The following PLCXD3 variants were observed in gnomAD, a reference collection of about 807,000 sequenced individuals.
PLCXD3 encodes the protein PI-PLC X domain-containing protein 3.
PLCXD3 carries 19 observed loss-of-function variants against 25.5 expected under a neutral mutation model. That is an observed-to-expected ratio of 0.75 (90% CI 0.52 to 1.09). The LOEUF is 1.09. Ranked by LOEUF, PLCXD3 falls within the 50% of genes least tolerant of loss-of-function variation. PLCXD3 has a pLI of 0.00. For synonymous variants in PLCXD3, 174 were observed against 137.6 expected (o/e 1.26, Z -1.85); for missense variants, 411 against 388.1 (o/e 1.06, Z -0.50).
intron 2 of PLCXD3, among the ~76,000 whole-genome samples, chr5:41,319,636 A>G (rs572457014): frequency 6.6e-6 from 1 of 152,332 alleles, no homozygotes; most frequent in South Asian, 2.1e-4. Flanking sequence ...GTTTATAGCT[A>G]CAAGTGCCTG....
chr5:41,457,155 T>C (rs1011088941), intron 1 of PLCXD3, among the ~76,000 whole-genome samples: 1 of 151,990 alleles, frequency 6.6e-6, no homozygotes, highest in Non-Finnish European at 1.5e-5. Flanking sequence ...CTTGAAATTC[T>C]GTTGGATAAT....
At chr5:41,354,627 A>G (rs1744566631) in intron 2 of PLCXD3, among the ~76,000 whole-genome samples, 1 of 152,116 alleles carries the variant, frequency 6.6e-6, no homozygotes, top group South Asian at 2.1e-4. Flanking sequence ...TGTACTGACT[A>G]TATCATGTAC....
chr5:41,348,710 T>A (rs936900270), intron 2 of PLCXD3, among the ~76,000 whole-genome samples: 1 of 152,184 alleles, frequency 6.6e-6, no homozygotes, highest in African/African-American at 2.4e-5. Context: ...ATATTGAATA[T>A]GTTTGGTGCT....
chr5:41,312,402 C>T lies in PLCXD3; in HGVS notation c.*1215G>A, dbSNP rs911391231. 1 of 152,222 alleles carries T rather than the reference C, an allele frequency of 6.6e-6. No homozygotes were observed. The highest frequency in any genetic ancestry group is 2.4e-5 in the African/African-American group (1 of 41,440). 9.4% of individuals were successfully genotyped at this position (152,222 alleles called of 1,614,324 possible). On this transcript the variant is annotated 3_prime_UTR_variant, in exon 3 of 3. Coordinates refer to ENST00000377801, the MANE Select transcript of PLCXD3 (RefSeq NM_001005473.3). ...TTCAAACACATTGCTCTAACTGCTT[C>T]TACCAGCCTTCCTCTTTCTTTCCTT...
At chr5:41,405,600 C>T (rs558612013) in intron 1 of PLCXD3, among the ~76,000 whole-genome samples, 188 of 152,158 alleles carry the variant, frequency 1.2e-3, no homozygotes, top group African/African-American at 4.4e-3. Context: ...GAACCTATGC[C>T]TTATAATTCC....
intron 1 of PLCXD3, among the ~76,000 whole-genome samples, chr5:41,443,451 G>A (rs1223710560): frequency 2.0e-5 from 3 of 152,000 alleles, no homozygotes; most frequent in Non-Finnish European, 4.4e-5. Context: ...TCTCCTCATC[G>A]TTAAGCAACA....
At chr5:41,478,126 T>C (rs1748319875) in intron 1 of PLCXD3, among the ~76,000 whole-genome samples, 1 of 152,162 alleles carries the variant, frequency 6.6e-6, no homozygotes, top group South Asian at 2.1e-4. Context: ...GACACTGCAG[T>C]GACTTAACAC....
chr5:41,375,352 T>C (rs890177963), intron 2 of PLCXD3, among the ~76,000 whole-genome samples: 4 of 152,084 alleles, frequency 2.6e-5, no homozygotes, highest in Non-Finnish European at 5.9e-5. Context: ...CTCTGCCCCC[T>C]TCACCCCTAG....
At chr5:41,437,807 A>G (rs1747290451) in intron 1 of PLCXD3, among the ~76,000 whole-genome samples, 1 of 152,140 alleles carries the variant, frequency 6.6e-6, no homozygotes, top group African/African-American at 2.4e-5. Context: ...AAGTTTTTCT[A>G]CAGATCTCTT....
chr5:41,447,453 G>A (rs1249679466), intron 1 of PLCXD3, among the ~76,000 whole-genome samples: 1 of 152,306 alleles, frequency 6.6e-6, no homozygotes, highest in East Asian at 1.9e-4. Flanking sequence ...GGGATTAAAA[G>A]AGAGAAGGAA....
intron 2 of PLCXD3, among the ~76,000 whole-genome samples, chr5:41,317,194 T>G (rs1283513216): frequency 6.6e-6 from 1 of 152,162 alleles, no homozygotes; most frequent in Non-Finnish European, 1.5e-5. Flanking sequence ...TGGAAGAAAG[T>G]AAGGAAAGAG....
At chr5:41,458,840 A>T (rs1442489061) in intron 1 of PLCXD3, among the ~76,000 whole-genome samples, 2 of 151,980 alleles carry the variant, frequency 1.3e-5, no homozygotes, top group Non-Finnish European at 2.9e-5. Flanking sequence ...TCCTTGTGAG[A>T]CCCTGTAAAA....
intron 1 of PLCXD3, among the ~76,000 whole-genome samples, chr5:41,469,523 C>A (rs1748103592): frequency 6.7e-6 from 1 of 149,178 alleles, no homozygotes; most frequent in African/African-American, 2.5e-5. Flanking sequence ...TCAAGTGTTT[C>A]AATCCCTTAT....
Position 41,350,497 on chromosome 5 carries a change from TTTC to T in PLCXD3, c.812+31326_812+31328del, listed in dbSNP as rs200790534. ...TATACTATGAATTTTCATGGAATTC[TTTC>T]TTCTTAGAGTATAGATGCATTCCAT... On this transcript the variant is annotated intron_variant, in intron 2 of 2. Coordinates refer to ENST00000377801, the MANE Select transcript of PLCXD3 (RefSeq NM_001005473.3). Among the ~76,000 whole-genome samples, 24 of 152,338 alleles carry T rather than the reference TTTC, an allele frequency of 1.6e-4. No individual in the cohort carries two copies. The East Asian group carries it at 3.7e-3, about 23-fold the overall frequency.
intron 1 of PLCXD3, among the ~76,000 whole-genome samples, chr5:41,390,695 C>A (rs1414734677): frequency 1.3e-5 from 2 of 151,736 alleles, no homozygotes; most frequent in Non-Finnish European, 2.9e-5. Context: ...GCAAGGACAC[C>A]AAGTAGTTAA....
chr5:41,399,169 T>C (rs1488941960), intron 1 of PLCXD3, among the ~76,000 whole-genome samples: 1 of 152,068 alleles, frequency 6.6e-6, no homozygotes, highest in Non-Finnish European at 1.5e-5. Context: ...TAAGGAAAAC[T>C]ATAAACTGAT....
chr5:41,395,466 C>T (rs1306448007), intron 1 of PLCXD3, among the ~76,000 whole-genome samples: 5 of 151,410 alleles, frequency 3.3e-5, no homozygotes, highest in South Asian at 4.2e-4. Context: ...TAATAAATAT[C>T]GGAGCAGAAA....
intron 2 of PLCXD3, among the ~76,000 whole-genome samples, chr5:41,378,414 T>G (rs549145409): frequency 2.8e-4 from 42 of 152,238 alleles, no homozygotes; most frequent in South Asian, 4.1e-4. Context: ...GGCAAATTAT[T>G]TGTAAGTAAT....
At chr5:41,415,282 G>T (rs1746667249) in intron 1 of PLCXD3, among the ~76,000 whole-genome samples, 1 of 152,148 alleles carries the variant, frequency 6.6e-6, no homozygotes, top group African/African-American at 2.4e-5. Context: ...AGTGTTTCAA[G>T]ACCTCCCAGA....
Sources: allele counts gnomAD v4.1 joint callset (sites outside exome capture counted in the v4.1 genomes callset), GRCh38; gene constraint gnomAD v4.1.1; transcripts MANE v1.5; gene names NCBI Gene and HGNC (gene_info 2026-07-23, HGNC 2026-07-21).